NOTCH3: variants seen among roughly 807,000 people sequenced by gnomAD.
NOTCH3 encodes neurogenic locus notch homolog protein 3.
A neutral mutation model predicts 213.3 loss-of-function variants in NOTCH3; 86 were observed. The observed-to-expected ratio is 0.40, with a 90% confidence interval of 0.34 to 0.48. The LOEUF (loss-of-function observed/expected upper bound fraction) is 0.48. NOTCH3 is among the 20% of genes least tolerant of loss of function. NOTCH3 has a pLI of 0.57. For synonymous variants in NOTCH3, 1,354 were observed against 1,355.9 expected (o/e 1.00, Z 0.03); for missense variants, 2,783 against 3,272.6 (o/e 0.85, Z 3.65).
At chr19:15,174,824 T>C (rs1032322634) in intron 24 of NOTCH3, among the ~76,000 whole-genome samples, 2 of 152,168 alleles carry the variant, frequency 1.3e-5, no homozygotes, top group African/African-American at 4.8e-5. Flanking sequence ...TCCACCTGCC[T>C]CGGCCTCCCA....
In NOTCH3 at chr19:15,178,161, G is replaced by C; in HGVS notation, c.3838-71C>G. The C allele has an allele frequency of 5.3e-6, 5 of 940,162 alleles. No homozygotes were observed. In the South Asian group the frequency reaches 6.0e-5, roughly 11 times the overall value. The allele number at this position is 940,162 out of a possible 1,614,324, so 58.2% of individuals were successfully genotyped here. ...AGTGGAGGGAAGGAGGAGAAGAAAT[G>C]GAGGAGTGGGGAAAAGAAGAGTCAA... On this transcript the variant is annotated intron_variant, in intron 23 of 32. Transcript: ENST00000263388.
intron 29 of NOTCH3, among the ~76,000 whole-genome samples, chr19:15,166,791 G>A (rs114506993): frequency 0.025 from 3,797 of 152,198 alleles, 154 homozygotes; most frequent in African/African-American, 0.087. Flanking sequence ...GGTAGAGACT[G>A]ACCTCCCCGC....
Position 15,165,648 on chromosome 19 carries a change from C to T in NOTCH3, c.5668-133G>A. On this transcript the variant is annotated intron_variant, in intron 30 of 32. Transcript: ENST00000263388. The surrounding 1 kb of genome is among the most constrained non-coding windows in gnomAD (Gnocchi z 4.7). ...ATTGGTGAGGTTCAGGGAGCAGCTG[C>T]TTGACAGATACTGTATTCCCATATA... 1.6e-6 allele frequency: 2 copies of T among 1,215,998 alleles called. No homozygotes were observed. The highest frequency in any genetic ancestry group is 1.3e-5 in the South Asian group (1 of 77,468). 75.3% of individuals were successfully genotyped at this position (1,215,998 alleles called of 1,614,324 possible). A position where few individuals can be genotyped will look rare whatever the true frequency, so the allele number is the denominator to read the frequency against.
chr19:15,180,854 T>C, intron 18 of NOTCH3, 26 bp from the exon 19 acceptor site: 1 of 1,611,530 alleles, frequency 6.2e-7, no homozygotes, highest in Non-Finnish European at 8.5e-7. Context: ...TCAGAGTCAG[T>C]ACTGTGGGGT....
chr19:15,193,770 C>CA (rs71333358), intron 2 of NOTCH3, among the ~76,000 whole-genome samples: 599 of 27,548 alleles, frequency 0.022, 75 homozygotes, highest in African/African-American at 0.063. Context: ...GACTCCATCT[C>CA]AAAAAAAAAC....
chr19:15,169,237 GT>G lies in NOTCH3; in HGVS notation c.5199+848del, dbSNP rs1167909912. Among the ~76,000 whole-genome samples the G allele has an allele frequency of 4.6e-3, 661 of 145,156 alleles. 8 individuals carry two copies. The highest frequency in any genetic ancestry group is 0.016 in the African/African-American group (637 of 39,848). ...CTCTCTCTCTCTCTCTCTCCCCTCT[GT>G]GTACACAGAGGAAAGGCCATGTGAG... On this transcript the variant is annotated intron_variant, in intron 28 of 32. Coordinates refer to ENST00000263388, the MANE Select transcript of NOTCH3 (RefSeq NM_000435.3).
At chr19:15,194,806 A>C (rs1397727017) in intron 2 of NOTCH3, among the ~76,000 whole-genome samples, 1 of 151,912 alleles carries the variant, frequency 6.6e-6, no homozygotes, top group Non-Finnish European at 1.5e-5. Flanking sequence ...AAACACAAAA[A>C]ATCAGCCAAG....
At chr19:15,194,348 G>A (rs929517980) in intron 2 of NOTCH3, among the ~76,000 whole-genome samples, 4 of 152,182 alleles carry the variant, frequency 2.6e-5, no homozygotes, top group Non-Finnish European at 4.4e-5. Context: ...GCTGAGAAAC[G>A]TCTGGAGCCA....
rs781199407 is a variant in NOTCH3 at position 15,165,005 on chromosome 19, G to A, written c.5815+363C>T. ...TTGCCCAGTCTGGTCTCAAACTCCTGGCCTCAAGTCATCCTCCTGCCTCAG... is the reference window on the plus strand; with the variant it reads ...TTGCCCAGTCTGGTCTCAAACTCCTAGCCTCAAGTCATCCTCCTGCCTCAG... On this transcript the variant is annotated intron_variant, in intron 31 of 32. Transcript: ENST00000263388. The surrounding 1 kb of genome is among the most constrained non-coding windows in gnomAD (Gnocchi z 4.7). 6.6e-6 allele frequency among the ~76,000 whole-genome samples: 1 copy of A among 152,070 alleles called. No individual in the cohort carries two copies. The highest frequency in any genetic ancestry group is 1.5e-5 in the Non-Finnish European group (1 of 68,022).
rs755391050 is a variant in NOTCH3 at position 15,170,129 on chromosome 19, G to T, written c.5156C>A (p.Thr1719Lys). ...TGGGCACTCTGTGTCCATCCAGTCT[G>T]TGGCCACCTCCCCCATCAGGCTCTC... ...KGESLMGEVA[T>K]DWMDTECPEA... Residue 1719 changes from threonine to lysine, a missense_variant, in exon 28 of 33, where the codon ACA (threonine) becomes AAA (lysine). Around this residue, in one of 6 missense-constraint regions of NOTCH3, gnomAD observed 636 missense variants for 801.8 expected, o/e 0.79. Transcript: ENST00000263388. 6.2e-7 allele frequency: 1 copy of T among 1,604,866 alleles called. No individual in the cohort carries two copies. Among genetic ancestry groups the T allele is most frequent in the Non-Finnish European group, 8.5e-7 (1 of 1,175,678 alleles).
chr19:15,177,479 G>A, intron 24 of NOTCH3, 46 bp downstream of exon 24: 1 of 1,555,162 alleles, frequency 6.4e-7, no homozygotes, highest in Non-Finnish European at 8.8e-7. Context: ...CAAACAGACT[G>A]GGATGGATGC....
At position 15,180,823 on chromosome 19, in the gene NOTCH3, C is replaced by A. The variant is rs975147310; in HGVS notation, c.3000G>T (p.Leu1000=). Residue 1000 remains leucine, a synonymous_variant, in exon 19 of 33, where the codon CTG becomes CTT. Coordinates refer to ENST00000263388, the MANE Select transcript of NOTCH3 (RefSeq NM_000435.3). ...AAGGCTGGCGGCTGCACCAATCCAC[C>A]AGCGTCTGGAGGGGAAGCACTCAGA... is the stretch of plus-strand genomic sequence containing the variant. ...ESFTGPQCQT[L]VDWCSRQPCQ... The A allele has an allele frequency of 6.2e-7, 1 of 1,612,478 alleles. No homozygotes were observed. Among genetic ancestry groups the A allele is most frequent in the Non-Finnish European group, 8.5e-7 (1 of 1,179,542 alleles).
At chr19:15,175,590 TACACAC>T (rs1555727085) in intron 24 of NOTCH3, among the ~76,000 whole-genome samples, 94 of 107,170 alleles carry the variant, frequency 8.8e-4, no homozygotes, top group Non-Finnish European at 1.4e-3. Flanking sequence ...TATATGTATA[TACACAC>T]ACACACACAC....
chr19:15,168,832 T>C (rs2046706508), intron 28 of NOTCH3, among the ~76,000 whole-genome samples: 1 of 151,088 alleles, frequency 6.6e-6, no homozygotes, highest in Admixed American at 6.6e-5. Context: ...AGACCTGGTC[T>C]CAAAAAATAA....
Position 15,165,505 on chromosome 19 carries a change from C to T in NOTCH3, c.5678G>A (p.Arg1893Gln), listed in dbSNP as rs372834264. 75 of 1,611,980 alleles carry T rather than the reference C, an allele frequency of 4.7e-5. No individual in the cohort carries two copies. The Admixed American group carries it at 8.2e-4, about 18-fold the overall frequency. Residue 1893 changes from arginine to glutamine, a missense_variant, in exon 31 of 33, where the codon CGA becomes CAA. Around this residue, in one of 6 missense-constraint regions of NOTCH3, gnomAD observed 636 missense variants for 801.8 expected, o/e 0.79. Coordinates refer to ENST00000263388, the MANE Select transcript of NOTCH3 (RefSeq NM_000435.3). This position sits in a 1 kb window ranked among gnomAD's most constrained non-coding sequence, Gnocchi z 4.7. ...DAQGVFQILI[R>Q]NRSTDLDARM... ...GGCATCCAAGTCTGTAGAGCGGTTT[C>T]GGATGAGAATCTAGGACAGAGAGTG... is the stretch of plus-strand genomic sequence containing the variant.
In NOTCH3 at chr19:15,180,991, G is replaced by A. The variant is rs1291765328; in HGVS notation, c.2964C>T (p.Cys988=). The A allele has an allele frequency of 6.3e-7, 1 of 1,597,314 alleles. No homozygotes were observed. The highest frequency in any genetic ancestry group is 1.1e-5 in the South Asian group (1 of 88,570). Reference sequence around the variant, plus strand: ...ACTGCGGGCCCGTGAAGCTCTCGAGGCAGGTGCAGCGGAAGCCAGGGTGGG... The same window carrying A: ...ACTGCGGGCCCGTGAAGCTCTCGAGACAGGTGCAGCGGAAGCCAGGGTGGG... ...SAAHPGFRCT[C]LESFTGPQCQ... Residue 988 remains cysteine (C), a synonymous_variant, in exon 18 of 33, where the codon TGC becomes TGT. Transcript: ENST00000263388.
At position 15,161,584 on chromosome 19, in the gene NOTCH3, C is replaced by G; in HGVS notation, c.6044G>C (p.Arg2015Thr). ...CAAGCGCACGATGTCCTGGTGCAGT[C>G]TCTCCTGGGCTACGTCCCGCGGCAG... ...DRLPRDVAQE[R>T]LHQDIVRLLD... Residue 2015 changes from arginine to threonine, a missense_variant, in exon 33 of 33, where the codon AGA (arginine) becomes ACA (threonine). This residue lies in a region of NOTCH3 where 441 missense variants were observed against 432.1 expected (regional missense o/e 1.02). Transcript: ENST00000263388. The G allele has an allele frequency of 6.2e-7, 1 of 1,611,424 alleles. No individual in the cohort carries two copies.
intron 16 of NOTCH3, among the ~76,000 whole-genome samples, chr19:15,183,191 C>T (rs2046853951): frequency 6.6e-6 from 1 of 152,060 alleles, no homozygotes; most frequent in South Asian, 2.1e-4. Context: ...GAGTTCGAGA[C>T]TGCACTGAGC....
intron 2 of NOTCH3, among the ~76,000 whole-genome samples, chr19:15,193,755 A>C (rs1288909468): frequency 7.6e-6 from 1 of 132,230 alleles, no homozygotes; most frequent in African/African-American, 3.0e-5. Context: ...TGGTTGACAG[A>C]GGGAGACTCC....
Sources: allele counts gnomAD v4.1 joint callset (sites outside exome capture counted in the v4.1 genomes callset), GRCh38; gene constraint gnomAD v4.1.1; regional missense constraint gnomAD v4.1.1; non-coding constraint Gnocchi (gnomAD v3.1); transcripts MANE v1.5; gene names NCBI Gene and HGNC (gene_info 2026-07-23, HGNC 2026-07-21).